The following HECW1 variants were observed in gnomAD, a reference collection of about 807,000 sequenced individuals.
HECW1 encodes E3 ubiquitin-protein ligase HECW1.
A neutral mutation model predicts 182.3 loss-of-function variants in HECW1; 61 were observed. The ratio of observed to expected loss-of-function variants is 0.33; its 90% CI spans 0.27 to 0.41. The LOEUF is 0.41. HECW1 is among the 10% of genes least tolerant of loss of function. The probability of loss-of-function intolerance (pLI) is 1.00; values close to 1 mark genes in which losing one functional copy is unlikely to be tolerated. For missense variants in HECW1, 1,739 were observed against 2,108.9 expected (o/e 0.82, Z 3.44); for synonymous variants, 859 against 832.6 (o/e 1.03, Z -0.55).
intron 5 of HECW1, among the ~76,000 whole-genome samples, chr7:43,359,218 A>T (rs554567847): frequency 6.6e-6 from 1 of 152,248 alleles, no homozygotes; most frequent in Non-Finnish European, 1.5e-5. Context: ...GTTTAGCTAC[A>T]TATAACAGAG....
rs77412622 is a variant in HECW1 at position 43,410,868 on chromosome 7, A to G, written c.801+3137A>G. On this transcript the variant is annotated intron_variant, in intron 8 of 29. Coordinates refer to ENST00000395891, the MANE Select transcript of HECW1 (RefSeq NM_015052.5). The stretch of plus-strand genomic sequence containing the variant: ...AGGACAATACCTCTTTCATTTATAT[A>G]TTGGTGAATTGCTTTTTTTCTCTTT... Among the ~76,000 whole-genome samples the G allele has an allele frequency of 1.6e-3, 247 of 152,122 alleles. 4 individuals carry two copies. The East Asian group carries it at 0.032, about 19-fold the overall frequency.
intron 14 of HECW1, among the ~76,000 whole-genome samples, chr7:43,465,975 G>A (rs956804128): frequency 1.5e-5 from 2 of 131,064 alleles, no homozygotes; most frequent in East Asian, 2.4e-4. Context: ...GAAGAAAGAA[G>A]GGAGGGAGGG....
intron 2 of HECW1, among the ~76,000 whole-genome samples, chr7:43,194,639 C>T (rs1374330836): frequency 6.6e-6 from 1 of 152,040 alleles, no homozygotes; most frequent in Non-Finnish European, 1.5e-5. Context: ...GATGGCCAAG[C>T]TCTGTGGATT....
At chr7:43,175,490 C>T (rs955652484) in intron 2 of HECW1, among the ~76,000 whole-genome samples, 3 of 152,154 alleles carry the variant, frequency 2.0e-5, no homozygotes, top group Non-Finnish European at 2.9e-5. Flanking sequence ...TAAAGTTAAA[C>T]TTTCTCTGGG....
chr7:43,144,648 G>A (rs1376212540), intron 2 of HECW1, among the ~76,000 whole-genome samples: 2 of 152,064 alleles, frequency 1.3e-5, no homozygotes, highest in African/African-American at 2.4e-5. Flanking sequence ...CCTTTGATAT[G>A]CTGCATTTTG....
At chr7:43,311,628 C>T (rs974356624) in intron 3 of HECW1, 135 bp from the exon 4 acceptor site, 1 of 834,974 alleles carries the variant, frequency 1.2e-6, no homozygotes, top group Non-Finnish European at 2.1e-6. Context: ...TGCTCTATGC[C>T]ATGTTTCATA....
chr7:43,210,900 C>T (rs943286862), intron 2 of HECW1, among the ~76,000 whole-genome samples: 2 of 152,182 alleles, frequency 1.3e-5, no homozygotes, highest in African/African-American at 4.8e-5. Context: ...GTGACAAACA[C>T]GGACCAGAAG....
intron 2 of HECW1, among the ~76,000 whole-genome samples, chr7:43,121,025 A>G (rs1418940727): frequency 6.6e-6 from 1 of 152,080 alleles, no homozygotes; most frequent in Non-Finnish European, 1.5e-5. Flanking sequence ...CTCTGAGCAT[A>G]TATCTTCCCT....
intron 8 of HECW1, among the ~76,000 whole-genome samples, chr7:43,421,352 AG>A (rs1214079426): frequency 4.6e-5 from 7 of 152,384 alleles, no homozygotes; most frequent in Admixed American, 1.3e-4. Flanking sequence ...TAAGAAAACA[AG>A]TAAGAATACT....
chr7:43,460,845 G>GACGTAGC (rs1314873720), intron 13 of HECW1, among the ~76,000 whole-genome samples: 2 of 152,170 alleles, frequency 1.3e-5, no homozygotes, highest in Non-Finnish European at 2.9e-5. Context: ...GCAGAGGTCA[G>GACGTAGC]ACGTAGGGTC....
intron 8 of HECW1, among the ~76,000 whole-genome samples, chr7:43,418,914 GTATTGA>G (rs1392741096): frequency 6.6e-6 from 1 of 152,114 alleles, no homozygotes; most frequent in African/African-American, 2.4e-5. Context: ...GCTCCAGGGG[GTATTGA>G]TGTTTTGTTA....
intron 3 of HECW1, among the ~76,000 whole-genome samples, chr7:43,273,559 C>G (rs1318909741): frequency 1.3e-5 from 2 of 151,910 alleles, no homozygotes; most frequent in Non-Finnish European, 2.9e-5. Context: ...CTCTTTTACC[C>G]ATACCTCAAT....
chr7:43,215,291 C>T (rs771605754), intron 2 of HECW1, among the ~76,000 whole-genome samples: 1 of 152,184 alleles, frequency 6.6e-6, no homozygotes, highest in Non-Finnish European at 1.5e-5. Flanking sequence ...TCGGTTGTCC[C>T]CAGAGAGGCT....
At chr7:43,417,630 C>T (rs758275383) in intron 8 of HECW1, among the ~76,000 whole-genome samples, 36 of 152,056 alleles carry the variant, frequency 2.4e-4, no homozygotes, top group Non-Finnish European at 3.7e-4. Context: ...CGGGAGGCTG[C>T]GGTGGGAGTA....
chr7:43,519,248 C>A (rs943264284), intron 24 of HECW1, among the ~76,000 whole-genome samples: 1 of 151,650 alleles, frequency 6.6e-6, no homozygotes, highest in Admixed American at 6.6e-5. Context: ...CTCTAGAGTG[C>A]AGACTTTTTT....
chr7:43,467,670 G>C (rs2077840344), intron 15 of HECW1, among the ~76,000 whole-genome samples: 1 of 152,152 alleles, frequency 6.6e-6, no homozygotes. Context: ...CTGACCTAAG[G>C]AAGGGGTGGG....
intron 6 of HECW1, among the ~76,000 whole-genome samples, chr7:43,392,362 C>T (rs939131567): frequency 6.6e-6 from 1 of 152,184 alleles, no homozygotes; most frequent in African/African-American, 2.4e-5. Context: ...ATGCCATATG[C>T]ACTAAAGGGA....
chr7:43,412,201 A>C (rs1174926692), intron 8 of HECW1, among the ~76,000 whole-genome samples: 2 of 152,134 alleles, frequency 1.3e-5, no homozygotes. Flanking sequence ...ACCACTTTAC[A>C]TAAAATGCAG....
chr7:43,213,790 A>G (rs1292410374), intron 2 of HECW1, among the ~76,000 whole-genome samples: 2 of 152,170 alleles, frequency 1.3e-5, no homozygotes, highest in Non-Finnish European at 2.9e-5. Flanking sequence ...ACATATTTTT[A>G]TCACAGAAAA....
Sources: allele counts gnomAD v4.1 joint callset (sites outside exome capture counted in the v4.1 genomes callset), GRCh38; gene constraint gnomAD v4.1.1; transcripts MANE v1.5; gene names NCBI Gene and HGNC (gene_info 2026-07-23, HGNC 2026-07-21).